The following TLN2 variants were observed in gnomAD, a reference collection of about 807,000 sequenced individuals.
The protein encoded by TLN2 is talin-2.
A neutral mutation model predicts 294.7 loss-of-function variants in TLN2; 118 were observed. That is an observed-to-expected ratio of 0.40 (90% CI 0.34 to 0.47). The LOEUF (loss-of-function observed/expected upper bound fraction) is 0.47, where lower values mean the gene tolerates loss of function less well. TLN2 is among the 20% of genes least tolerant of loss of function. TLN2 has a pLI of 0.84. For missense variants in TLN2, 3,083 were observed against 3,282.2 expected (o/e 0.94, Z 1.48); for synonymous variants, 1,431 against 1,304.5 (o/e 1.10, Z -2.09).
At chr15:62,593,483 G>C (rs962186745) in intron 2 of TLN2, among the ~76,000 whole-genome samples, 2 of 152,062 alleles carry the variant, frequency 1.3e-5, no homozygotes, top group Non-Finnish European at 2.9e-5. Context: ...GCATTTTTTG[G>C]CTAATTATGT....
At chr15:62,685,788 T>A (rs1388080773) in intron 11 of TLN2, among the ~76,000 whole-genome samples, 1 of 152,222 alleles carries the variant, frequency 6.6e-6, no homozygotes, top group Admixed American at 6.5e-5. Flanking sequence ...TTACATTCAT[T>A]GTAAATATTT....
chr15:62,598,012 T>C (rs1206533903), intron 2 of TLN2, among the ~76,000 whole-genome samples: 1 of 152,186 alleles, frequency 6.6e-6, no homozygotes, highest in Admixed American at 6.5e-5. Flanking sequence ...TCAACCTGTA[T>C]TGGAGAATCA....
intron 11 of TLN2, among the ~76,000 whole-genome samples, chr15:62,682,741 C>T (rs1475042656): frequency 6.6e-6 from 1 of 152,104 alleles, no homozygotes; most frequent in African/African-American, 2.4e-5. Context: ...ACCAAAACCC[C>T]ACAAGCAACA....
intron 50 of TLN2, among the ~76,000 whole-genome samples, chr15:62,802,524 C>A (rs1281858768): frequency 1.3e-5 from 2 of 152,142 alleles, no homozygotes; most frequent in African/African-American, 4.8e-5. Flanking sequence ...GTGAATAGTG[C>A]TGCAGTAAAC....
intron 52 of TLN2, among the ~76,000 whole-genome samples, chr15:62,813,166 T>G (rs998390980): frequency 1.3e-5 from 2 of 152,234 alleles, no homozygotes; most frequent in African/African-American, 4.8e-5. Context: ...TGGTGACCAT[T>G]GACATTTCAG....
chr15:62,796,198 T>C lies in TLN2; in HGVS notation c.5955T>C (p.Ala1985=). Reference sequence around the variant, plus strand: ...AGGCATGCATTACAGCCGCCACCGCTGTGTCTGGGATCATTGCCGACCTGG... The same window carrying C: ...AGGCATGCATTACAGCCGCCACCGCCGTGTCTGGGATCATTGCCGACCTGG... ...GTQACITAAT[A]VSGIIADLDT... The change falls in exon 47 of 59, where the codon GCT becomes GCC. Residue 1985 remains alanine (A), a synonymous_variant. Coordinates refer to ENST00000636159, the MANE Select transcript of TLN2 (RefSeq NM_015059.3). 6.2e-7 allele frequency: 1 copy of C among 1,614,278 alleles called. No homozygotes were observed. The highest frequency in any genetic ancestry group is 8.5e-7 in the Non-Finnish European group (1 of 1,180,044).
intron 24 of TLN2, among the ~76,000 whole-genome samples, 170 bp downstream of exon 24, chr15:62,717,859 G>A (rs1005345568): frequency 6.6e-5 from 10 of 152,218 alleles, no homozygotes; most frequent in African/African-American, 2.4e-4. Flanking sequence ...TCCATTAAGT[G>A]GATGGCCTGT....
intron 3 of TLN2, chr15:62,638,497 T>C (rs2050635963): frequency 2.2e-6 from 1 of 455,454 alleles, no homozygotes; most frequent in African/African-American, 2.0e-5. Context: ...CTGGGAGGAC[T>C]CTAATGAACC....
intron 1 of TLN2, among the ~76,000 whole-genome samples, chr15:62,449,671 A>C (rs1024835578): frequency 2.6e-5 from 4 of 152,072 alleles, no homozygotes; most frequent in Non-Finnish European, 5.9e-5. Context: ...GCGACTTGGG[A>C]GGCTGAAGTG....
intron 1 of TLN2, among the ~76,000 whole-genome samples, chr15:62,401,844 A>G (rs1192256537): frequency 1.3e-5 from 2 of 152,188 alleles, no homozygotes; most frequent in Non-Finnish European, 2.9e-5. Context: ...CATCGCTCAC[A>G]TGGTTATCTC....
At chr15:62,730,496 C>CA (rs1567477624) in intron 28 of TLN2, among the ~76,000 whole-genome samples, 1 of 152,186 alleles carries the variant, frequency 6.6e-6, no homozygotes, top group Admixed American at 6.5e-5. Flanking sequence ...GATCATTTCT[C>CA]TTCTACCTGA....
Position 62,722,480 on chromosome 15 carries a change from C to T in TLN2, c.3119C>T (p.Ser1040Leu), listed in dbSNP as rs567066011. Residue 1040 changes from serine to leucine, a missense_variant, in exon 26 of 59, where the codon TCG becomes TTG. Physicochemically the swap from Ser to Leu is moderately radical, Grantham distance 145 (BLOSUM62 -2). Coordinates refer to ENST00000636159, the MANE Select transcript of TLN2 (RefSeq NM_015059.3). ...AGCTTGGCGGAGCTGCGTACCGCCT[C>T]GCAGAAGGCAAGTGGAGCGTGTCAT... is the stretch of plus-strand genomic sequence containing the variant. ...ATSLAELRTA[S>L]QKAHEACGPM... 1.7e-5 allele frequency: 27 copies of T among 1,610,448 alleles called. 1 individual carries two copies. In the South Asian group the frequency reaches 2.3e-4, roughly 14 times the overall value.
intron 1 of TLN2, among the ~76,000 whole-genome samples, chr15:62,447,155 ATTTATTTATTTATTTG>A (rs1299799051): frequency 1.4e-4 from 11 of 77,518 alleles, no homozygotes; most frequent in East Asian, 7.4e-3. Context: ...AGAAGCCTAT[ATTTATTTATTTATTTG>A]TTTATTTATT....
At chr15:62,800,331 T>TG in intron 48 of TLN2, 37 bp from the exon 49 acceptor site, 1 of 1,604,536 alleles carries the variant, frequency 6.2e-7, no homozygotes, top group Non-Finnish European at 8.5e-7. Context: ...GCTGACATCT[T>TG]GACGCCTGCT....
intron 2 of TLN2, among the ~76,000 whole-genome samples, chr15:62,594,678 A>G (rs1056791031): frequency 1.3e-5 from 2 of 152,256 alleles, no homozygotes; most frequent in African/African-American, 4.8e-5. Context: ...AAAGACATCT[A>G]TGTAAGACCT....
intron 39 of TLN2, 61 bp from the exon 40 acceptor site, chr15:62,763,502 G>T (rs1231591249): frequency 2.6e-6 from 4 of 1,545,756 alleles, no homozygotes; most frequent in South Asian, 1.2e-5. Context: ...ACCAGTGCTG[G>T]AGCAGGCTGT....
At chr15:62,440,637 C>T (rs72753851) in intron 1 of TLN2, among the ~76,000 whole-genome samples, 1 of 152,092 alleles carries the variant, frequency 6.6e-6, no homozygotes, top group Non-Finnish European at 1.5e-5. Flanking sequence ...TCTTATACCC[C>T]TATCCCTGTC....
At position 62,736,766 on chromosome 15, in the gene TLN2, C is replaced by T. The variant is rs1041230008; in HGVS notation, c.3359-112C>T. On this transcript the variant is annotated intron_variant, in intron 28 of 58. Transcript: ENST00000636159. Reference sequence around the variant, plus strand: ...CACAGCAATTCAAATTTTATGAAGACTAATCTGCAGCTCCCCTTCTGTGCC... The same window carrying T: ...CACAGCAATTCAAATTTTATGAAGATTAATCTGCAGCTCCCCTTCTGTGCC... 20 of 1,161,960 alleles carry T rather than the reference C, an allele frequency of 1.7e-5. No individual in the cohort carries two copies. In the Admixed American group the frequency reaches 4.8e-4, roughly 28 times the overall value. 72.0% of individuals were successfully genotyped at this position (1,161,960 alleles called of 1,614,324 possible).
At chr15:62,656,339 C>G (rs954181348) in intron 8 of TLN2, among the ~76,000 whole-genome samples, 1 of 152,206 alleles carries the variant, frequency 6.6e-6, no homozygotes, top group African/African-American at 2.4e-5. Context: ...CACTGTGTCC[C>G]TCTCTGCCGG....
Sources: allele counts gnomAD v4.1 joint callset (sites outside exome capture counted in the v4.1 genomes callset), GRCh38; gene constraint gnomAD v4.1.1; transcripts MANE v1.5; gene names NCBI Gene and HGNC (gene_info 2026-07-23, HGNC 2026-07-21).